BRINP3: variants seen among roughly 807,000 people sequenced by gnomAD.
BRINP3 encodes BMP/retinoic acid inducible neural specific 3.
A neutral mutation model predicts 71.0 loss-of-function variants in BRINP3; 19 were observed. The observed-to-expected ratio is 0.27, with a 90% CI of 0.19 to 0.39. The LOEUF is 0.39. Among genes scored for constraint, BRINP3 ranks in the 10% least tolerant of loss-of-function variants. BRINP3 has a pLI of 1.00. For missense variants in BRINP3, 959 were observed against 940.8 expected (o/e 1.02, Z -0.25); for synonymous variants, 380 against 337.7 (o/e 1.13, Z -1.37).
At chr1:190,209,344 CACAA>C (rs1449207526) in intron 6 of BRINP3, among the ~76,000 whole-genome samples, 2 of 152,108 alleles carry the variant, frequency 1.3e-5, no homozygotes, top group African/African-American at 4.8e-5. Context: ...ATCTCAGTAA[CACAA>C]ACAGTGAGTT....
chr1:190,359,084 A>T (rs1353434163), intron 2 of BRINP3, among the ~76,000 whole-genome samples: 1 of 152,118 alleles, frequency 6.6e-6, no homozygotes, highest in Non-Finnish European at 1.5e-5. Context: ...TGGGTGCAGC[A>T]AACGAATATG....
chr1:190,308,064 G>A (rs1371276778), intron 2 of BRINP3, among the ~76,000 whole-genome samples: 1 of 151,808 alleles, frequency 6.6e-6, no homozygotes, highest in African/African-American at 2.4e-5. Flanking sequence ...ATATATCAAA[G>A]GAGTCAAGGT....
intron 2 of BRINP3, among the ~76,000 whole-genome samples, chr1:190,450,875 C>T (rs543360903): frequency 6.6e-6 from 1 of 152,072 alleles, no homozygotes; most frequent in African/African-American, 2.4e-5. Flanking sequence ...TCATTATAAT[C>T]CTGTCACATA....
Position 190,350,017 on chromosome 1 carries a change from A to G in BRINP3, c.237-68267T>C, listed in dbSNP as rs572498350. ...ATAGTCTTTTAGGAATAAAAGGAGA[A>G]TACAAGGAAAAGTCAGAGGCCAGAA... On this transcript the variant is annotated intron_variant, in intron 2 of 7. Coordinates refer to ENST00000367462, the MANE Select transcript of BRINP3 (RefSeq NM_199051.3). Among the ~76,000 whole-genome samples the G allele has an allele frequency of 2.0e-5, 3 of 152,216 alleles. No homozygotes were observed. The South Asian group carries it at 6.2e-4, about 32-fold the overall frequency.
intron 2 of BRINP3, among the ~76,000 whole-genome samples, chr1:190,443,931 G>C (rs1199530311): frequency 6.6e-6 from 1 of 152,134 alleles, no homozygotes; most frequent in South Asian, 2.1e-4. Context: ...CAGGAACTTT[G>C]CTATAAAACA....
chr1:190,226,448 T>G, intron 5 of BRINP3, 130 bp from the exon 6 acceptor site: 2 of 512,706 alleles, frequency 3.9e-6, no homozygotes, highest in Non-Finnish European at 6.6e-6. Context: ...ATTTTTAAAC[T>G]ATCAGAAAAA....
chr1:190,403,810 A>C (rs1672091272), intron 2 of BRINP3, among the ~76,000 whole-genome samples: 1 of 152,206 alleles, frequency 6.6e-6, no homozygotes, highest in Admixed American at 6.5e-5. Context: ...CCTTCTCATC[A>C]CTACACACAC....
intron 1 of BRINP3, among the ~76,000 whole-genome samples, chr1:190,469,105 T>TA (rs1328794763): frequency 4.0e-5 from 6 of 151,094 alleles, no homozygotes; most frequent in African/African-American, 7.2e-5. Context: ...ACAAGTTGTT[T>TA]AAAAAACTCT....
chr1:190,434,538 T>C (rs776672786), intron 2 of BRINP3, among the ~76,000 whole-genome samples: 3 of 152,048 alleles, frequency 2.0e-5, no homozygotes, highest in Non-Finnish European at 4.4e-5. Flanking sequence ...TCTATTTAGG[T>C]TATAATGATA....
chr1:190,175,880 G>A (rs1652459987), intron 6 of BRINP3, among the ~76,000 whole-genome samples: 1 of 152,224 alleles, frequency 6.6e-6, no homozygotes, highest in South Asian at 2.1e-4. Flanking sequence ...ATGCCTTAGT[G>A]GATCAGTGTT....
At chr1:190,126,306 T>G (rs981877152) in intron 7 of BRINP3, among the ~76,000 whole-genome samples, 1 of 151,964 alleles carries the variant, frequency 6.6e-6, no homozygotes, top group Non-Finnish European at 1.5e-5. Context: ...GGTATTACAT[T>G]GTATCTCTGC....
chr1:190,108,858 G>A (rs1012502290), intron 7 of BRINP3, among the ~76,000 whole-genome samples: 1 of 151,708 alleles, frequency 6.6e-6, no homozygotes, highest in Non-Finnish European at 1.5e-5. Context: ...TCAAATAGGT[G>A]TTCAAAATAC....
At chr1:190,249,835 G>A (rs1025326929) in intron 4 of BRINP3, among the ~76,000 whole-genome samples, 4 of 151,726 alleles carry the variant, frequency 2.6e-5, no homozygotes, top group African/African-American at 7.3e-5. Context: ...ATAGTCAACA[G>A]TATTATTAAA....
chr1:190,165,459 TTTGTGTGTGTGTGTG>T (rs890084937), intron 6 of BRINP3, among the ~76,000 whole-genome samples: 1 of 108,380 alleles, frequency 9.2e-6, no homozygotes, highest in African/African-American at 3.7e-5. Flanking sequence ...TTTTTTTTTT[TTTGTGTGTGTGTGTG>T]TGTGTGTGTG....
rs369529403 is a variant in BRINP3 at position 190,433,088 on chromosome 1, G to A, written c.236+21567C>T. Reference sequence around the variant, plus strand: ...AACGAACTGAGTAGTTCGGAATATTGTTCCAAATTAGAATTAAAGAAGGTG... The same window carrying A: ...AACGAACTGAGTAGTTCGGAATATTATTCCAAATTAGAATTAAAGAAGGTG... On this transcript the variant is annotated intron_variant, in intron 2 of 7. Transcript: ENST00000367462. Among the ~76,000 whole-genome samples the A allele has an allele frequency of 7.2e-5, 11 of 152,192 alleles. 1 individual carries two copies. The East Asian group carries it at 1.9e-3, about 27-fold the overall frequency.
chr1:190,383,267 A>T (rs1670667821), intron 2 of BRINP3, among the ~76,000 whole-genome samples: 2 of 152,062 alleles, frequency 1.3e-5, no homozygotes, highest in Admixed American at 1.3e-4. Context: ...ATAAAGCCTG[A>T]TTTATTATTC....
chr1:190,460,250 A>G (rs1263439636), intron 1 of BRINP3, among the ~76,000 whole-genome samples: 3 of 150,172 alleles, frequency 2.0e-5, no homozygotes, highest in Non-Finnish European at 4.5e-5. Flanking sequence ...TGTTAGAATT[A>G]TTTATTATAA....
Position 190,460,070 on chromosome 1 carries a change from C to T in BRINP3, c.-50-5130G>A, listed in dbSNP as rs561037025. ...CTTCTCTTGAGCAAATACTACTTTG[C>T]TCTATAAAATAGTTTCTTAACATTA... On this transcript the variant is annotated intron_variant, in intron 1 of 7. Transcript: ENST00000367462. 1.3e-4 allele frequency among the ~76,000 whole-genome samples: 20 copies of T among 152,014 alleles called. No homozygotes were observed. The East Asian group carries it at 2.5e-3, about 19-fold the overall frequency.
rs74129284 is a variant in BRINP3, at chr1:190,333,153, C to T, written c.237-51403G>A. ...AAAAAATGATCTTATTTAATTTTTA[C>T]AATTGCTAGGGTAGATTTCTCCCCC... On this transcript the variant is annotated intron_variant, in intron 2 of 7. Coordinates refer to ENST00000367462, the MANE Select transcript of BRINP3 (RefSeq NM_199051.3). Among the ~76,000 whole-genome samples the T allele has an allele frequency of 3.3e-3, 500 of 151,974 alleles. 3 individuals carry two copies. Among genetic ancestry groups the T allele is most frequent in the African/African-American group, 0.011 (465 of 41,498 alleles).
Sources: gnomAD v4.1 joint callset for allele counts (sites outside exome capture counted in the v4.1 genomes callset) on GRCh38, gnomAD v4.1.1 for gene constraint, MANE v1.5 for transcripts, NCBI Gene and HGNC (gene_info 2026-07-23, HGNC 2026-07-21) for gene names.